The following NAV2 variants were observed in gnomAD, a reference collection of about 807,000 sequenced individuals.
The protein encoded by NAV2 is helicase, APC down-regulated 1.
A neutral mutation model predicts 223.2 loss-of-function variants in NAV2; 54 were observed. That is an observed-to-expected ratio of 0.24 (90% CI 0.19 to 0.30). NAV2 has a LOEUF of 0.30. Ranked by LOEUF, NAV2 falls within the 10% of genes least tolerant of loss-of-function variation. NAV2 has a pLI of 1.00. For synonymous variants in NAV2, 1,279 were observed against 1,239.3 expected (o/e 1.03, Z -0.67); for missense variants, 2,806 against 3,147.5 (o/e 0.89, Z 2.60).
Position 20,086,578 on chromosome 11 carries a change from C to G in NAV2, c.5498+3399C>G, listed in dbSNP as rs553288917. Among the ~76,000 whole-genome samples the G allele has an allele frequency of 3.5e-3, 533 of 152,276 alleles. 6 individuals carry two copies. Among genetic ancestry groups the G allele is most frequent in the African/African-American group, 0.012 (507 of 41,556 alleles). On this transcript the variant is annotated intron_variant, in intron 26 of 37. Coordinates refer to ENST00000349880, the MANE Select transcript of NAV2 (RefSeq NM_145117.5). ...CCTTGATTATTTGTTCTCTGTCCCCCACCCCAACCCCAGATCTACAGTAGA... is the reference window on the plus strand; with the variant it reads ...CCTTGATTATTTGTTCTCTGTCCCCGACCCCAACCCCAGATCTACAGTAGA...
intron 17 of NAV2, 88 bp downstream of exon 17, chr11:20,051,421 G>T: frequency 1.5e-6 from 2 of 1,296,460 alleles, no homozygotes; most frequent in South Asian, 2.4e-5. Context: ...TGGGGGTTTG[G>T]GCTGGGCTGG....
At chr11:19,897,886 T>TTTTTATATATATATATATATATA (rs144642336) in intron 6 of NAV2, among the ~76,000 whole-genome samples, 1 of 120,660 alleles carries the variant, frequency 8.3e-6, no homozygotes, top group African/African-American at 3.4e-5. Context: ...GACCTGTGAT[T>TTTTTATATATATATATATATATA]TATATATATA....
rs527545198 is a variant in NAV2 at position 19,465,745 on chromosome 11, T to C, written c.75+114718T>C. On this transcript the variant is annotated intron_variant, in intron 1 of 37. Transcript: ENST00000360655. The stretch of plus-strand genomic sequence containing the variant: ...CCACTTGATCCTCAAAACTATCCCG[T>C]AATGTAGGCATTTTTAATATCCTTT... Among the ~76,000 whole-genome samples the C allele has an allele frequency of 2.6e-5, 4 of 152,380 alleles. No individual in the cohort carries two copies. In the East Asian group the frequency reaches 7.7e-4, roughly 29 times the overall value.
rs201603688 is a variant in NAV2, at chr11:20,058,511, G to GA, written c.4831+2563dup. ...AAGCATTATTAAAATGGATTCTAGA[G>GA]AAAAAAAAATCCCATGACTTCACCA... On this transcript the variant is annotated intron_variant, in intron 19 of 37. Transcript: ENST00000349880. 6.5e-3 allele frequency among the ~76,000 whole-genome samples: 984 copies of GA among 151,312 alleles called. 7 individuals are homozygous for GA. Among genetic ancestry groups the GA allele is most frequent in the African/African-American group, 0.022 (897 of 41,242 alleles).
chr11:20,114,174 C>A (rs191706003), intron 36 of NAV2, among the ~76,000 whole-genome samples: 1 of 152,232 alleles, frequency 6.6e-6, no homozygotes, highest in Non-Finnish European at 1.5e-5. Context: ...TCCAACTCCA[C>A]ATCCAGTGAC....
At chr11:19,448,285 C>G (rs990414688) in intron 1 of NAV2, among the ~76,000 whole-genome samples, 9 of 152,186 alleles carry the variant, frequency 5.9e-5, no homozygotes, top group African/African-American at 1.9e-4. Context: ...AGTGCTTTCC[C>G]TGAGCACAGC....
chr11:19,810,350 C>T (rs2058780551), intron 1 of NAV2, among the ~76,000 whole-genome samples: 1 of 151,830 alleles, frequency 6.6e-6, no homozygotes, highest in Non-Finnish European at 1.5e-5. Flanking sequence ...ATTCTTCCTG[C>T]CCCAGTCCAA....
At chr11:19,744,897 G>A (rs1444095690) in intron 1 of NAV2, among the ~76,000 whole-genome samples, 1 of 152,018 alleles carries the variant, frequency 6.6e-6, no homozygotes, top group Admixed American at 6.5e-5. Context: ...TAGGCATTTT[G>A]GTTATCCTGA....
intron 1 of NAV2, among the ~76,000 whole-genome samples, chr11:19,385,184 T>C (rs997600565): frequency 2.0e-5 from 3 of 152,214 alleles, no homozygotes; most frequent in African/African-American, 7.2e-5. Context: ...ACAATTCCCA[T>C]GATTGGTAAG....
At chr11:19,948,447 T>G (rs1405200117) in intron 9 of NAV2, among the ~76,000 whole-genome samples, 2 of 152,112 alleles carry the variant, frequency 1.3e-5, no homozygotes, top group Non-Finnish European at 2.9e-5. Flanking sequence ...TTAAAGTAAT[T>G]CGTTTCTTGT....
intron 8 of NAV2, among the ~76,000 whole-genome samples, chr11:19,943,764 C>G (rs1056119583): frequency 6.6e-6 from 1 of 152,096 alleles, no homozygotes. Context: ...GAAAATAGTC[C>G]TAGGCTTTTA....
At chr11:19,350,516 G>A (rs1417429697), upstream of NAV2, among the ~76,000 whole-genome samples, 3 of 152,228 alleles carry the variant, frequency 2.0e-5, no homozygotes, top group Non-Finnish European at 4.4e-5. Context: ...AGAGAGGGAT[G>A]TGGATGTTAG....
intron 30 of NAV2, 134 bp from the exon 31 acceptor site, chr11:20,097,443 A>T: frequency 1.4e-6 from 1 of 703,348 alleles, no homozygotes; most frequent in Non-Finnish European, 2.2e-6. Context: ...TCTCCCCCTC[A>T]TCCCACAGCT....
intron 11 of NAV2, among the ~76,000 whole-genome samples, chr11:20,029,265 T>C (rs1713329640): frequency 6.6e-6 from 1 of 152,144 alleles, no homozygotes; most frequent in Non-Finnish European, 1.5e-5. Context: ...AGAGGATGTG[T>C]CTTGTCTGAA....
At chr11:19,535,186 C>G (rs1351203145) in intron 1 of NAV2, among the ~76,000 whole-genome samples, 1 of 152,012 alleles carries the variant, frequency 6.6e-6, no homozygotes, top group African/African-American at 2.4e-5. Flanking sequence ...TCAGGTGAGA[C>G]AGGAACCAGG....
intron 1 of NAV2, among the ~76,000 whole-genome samples, chr11:19,549,155 GA>G (rs2044607288): frequency 6.6e-6 from 1 of 152,198 alleles, no homozygotes; most frequent in Non-Finnish European, 1.5e-5. Context: ...GAATGTGGCT[GA>G]GGTTCCAAAG....
chr11:19,430,386 C>T (rs1850997828), intron 1 of NAV2, among the ~76,000 whole-genome samples: 1 of 152,196 alleles, frequency 6.6e-6, no homozygotes, highest in South Asian at 2.1e-4. Flanking sequence ...CTTCAGTCCC[C>T]TCTCGCATAG....
Position 19,704,158 on chromosome 11 carries a change from C to T in NAV2, c.76-128326C>T, listed in dbSNP as rs116346091. 3.7e-3 allele frequency among the ~76,000 whole-genome samples: 563 copies of T among 152,180 alleles called. 3 individuals carry two copies. The highest frequency in any genetic ancestry group is 0.012 in the African/African-American group (510 of 41,518). On this transcript the variant is annotated intron_variant, in intron 1 of 37. Coordinates refer to the NAV2 transcript ENST00000360655. ...TAGCAGGAAGCCCTGTCTCAGAGCA[C>T]GAACATCACGCAAAGACCACCCCCT...
chr11:19,390,892 TGTGCCTA>T (rs1331595338), intron 1 of NAV2, among the ~76,000 whole-genome samples: 1 of 152,178 alleles, frequency 6.6e-6, no homozygotes, highest in Non-Finnish European at 1.5e-5. Flanking sequence ...TGCCAGGCAG[TGTGCCTA>T]GTTCTTAAAT....
Sources: gnomAD v4.1 joint callset for allele counts (sites outside exome capture counted in the v4.1 genomes callset) on GRCh38, gnomAD v4.1.1 for gene constraint, MANE v1.5 for transcripts, NCBI Gene and HGNC (gene_info 2026-07-23, HGNC 2026-07-21) for gene names.